GFRA1: variants seen among roughly 807,000 people sequenced by gnomAD.
The protein encoded by GFRA1 is GDNF family receptor alpha 1.
In GFRA1, 16 loss-of-function variants were observed where a neutral mutation model predicts 51.6. The observed-to-expected ratio is 0.31, with a 90% CI of 0.21 to 0.47. The LOEUF (loss-of-function observed/expected upper bound fraction) is 0.47, where lower values mean the gene tolerates loss of function less well. GFRA1 is among the 20% of genes least tolerant of loss of function. The pLI, the probability that GFRA1 is intolerant of heterozygous loss-of-function variation, is 1.00. For synonymous variants in GFRA1, 270 were observed against 241.3 expected, an observed-to-expected ratio of 1.12 and a Z score of -1.10; for missense variants, 530 against 594.3, an observed-to-expected ratio of 0.89 and a Z score of 1.13.
intron 4 of GFRA1, among the ~76,000 whole-genome samples, chr10:116,237,683 C>A (rs1966999984): frequency 6.6e-6 from 1 of 152,052 alleles, no homozygotes; most frequent in South Asian, 2.1e-4. Context: ...CCCCATGGTG[C>A]CTGTCAAAGC....
intron 6 of GFRA1, among the ~76,000 whole-genome samples, chr10:116,099,262 A>G (rs11197532): frequency 0.061 from 9,338 of 152,232 alleles, 730 homozygotes; most frequent in East Asian, 0.2. Context: ...GCCATGGTGG[A>G]GGGATTTACA....
intron 9 of GFRA1, among the ~76,000 whole-genome samples, chr10:116,066,114 C>T (rs67259137): frequency 0.22 from 32,827 of 152,134 alleles, 4,217 homozygotes; most frequent in African/African-American, 0.36. Context: ...GTGATACAGA[C>T]AGAGACCTTC....
intron 4 of GFRA1, among the ~76,000 whole-genome samples, chr10:116,239,844 A>C (rs1052131772): frequency 3.3e-5 from 5 of 152,174 alleles, no homozygotes; most frequent in African/African-American, 7.2e-5. Context: ...GATTTACCAA[A>C]ATTTTTGAGA....
At chr10:116,119,137 C>T (rs1390726579) in intron 6 of GFRA1, among the ~76,000 whole-genome samples, 4 of 152,212 alleles carry the variant, frequency 2.6e-5, no homozygotes, top group South Asian at 2.1e-4. Context: ...CAGGAGGTGG[C>T]GCAGGCAGAA....
At chr10:116,244,849 G>C (rs1434688016) in intron 4 of GFRA1, among the ~76,000 whole-genome samples, 1 of 151,976 alleles carries the variant, frequency 6.6e-6, no homozygotes, top group Non-Finnish European at 1.5e-5. Flanking sequence ...TATTCACATA[G>C]GAAAAATAAA....
At chr10:116,188,605 T>G (rs1261517252) in intron 5 of GFRA1, among the ~76,000 whole-genome samples, 1 of 152,064 alleles carries the variant, frequency 6.6e-6, no homozygotes, top group African/African-American at 2.4e-5. Flanking sequence ...ACGAGCGTAT[T>G]AAAATGGTCA....
At chr10:116,107,135 T>C (rs1173968642) in intron 6 of GFRA1, among the ~76,000 whole-genome samples, 7 of 152,328 alleles carry the variant, frequency 4.6e-5, no homozygotes, top group Admixed American at 2.0e-4. Flanking sequence ...AAGAATGTCC[T>C]AACACACCTA....
chr10:116,141,828 C>T (rs1224544656), intron 5 of GFRA1, among the ~76,000 whole-genome samples: 1 of 152,156 alleles, frequency 6.6e-6, no homozygotes, highest in Non-Finnish European at 1.5e-5. Flanking sequence ...AGGGGATCCA[C>T]CCATCTCAGC....
intron 4 of GFRA1, among the ~76,000 whole-genome samples, chr10:116,245,866 C>G (rs555722674): frequency 5.3e-5 from 8 of 152,250 alleles, no homozygotes; most frequent in African/African-American, 1.9e-4. Context: ...ATATCACATT[C>G]TGGAAAAAGA....
chr10:116,187,963 C>G (rs1225607322), intron 5 of GFRA1, among the ~76,000 whole-genome samples: 1 of 152,162 alleles, frequency 6.6e-6, no homozygotes, highest in Non-Finnish European at 1.5e-5. Flanking sequence ...GTGGTAAGCA[C>G]TGAGTGTAAC....
At chr10:116,091,865 T>C (rs1400476629) in intron 8 of GFRA1, among the ~76,000 whole-genome samples, 3 of 152,098 alleles carry the variant, frequency 2.0e-5, no homozygotes, top group African/African-American at 7.2e-5. Context: ...GCAGACAAAA[T>C]GCATTTATTT....
chr10:116,085,394 C>T (rs1956053641), intron 9 of GFRA1, among the ~76,000 whole-genome samples: 1 of 152,144 alleles, frequency 6.6e-6, no homozygotes, highest in African/African-American at 2.4e-5. Flanking sequence ...TTTAGAGCTG[C>T]CAAAGATAGT....
intron 4 of GFRA1, among the ~76,000 whole-genome samples, chr10:116,240,379 G>T (rs1487650735): frequency 1.3e-5 from 2 of 152,130 alleles, no homozygotes; most frequent in Non-Finnish European, 2.9e-5. Context: ...ATCTCCCTAT[G>T]CAGTGAAAAT....
Position 116,248,546 on chromosome 10 carries a change from T to A in GFRA1, c.418+20957A>T, listed in dbSNP as rs11197606. Among the ~76,000 whole-genome samples the A allele has an allele frequency of 7.9e-5, 12 of 152,336 alleles. No individual in the cohort carries two copies. The East Asian group carries it at 2.1e-3, about 27-fold the overall frequency. The stretch of plus-strand genomic sequence containing the variant: ...GTTCCAAAGTGCTAGGGCTCATTGT[T>A]TCTAATTATCTTGAATTCATTCTCT... On this transcript the variant is annotated intron_variant, in intron 4 of 10. Transcript: ENST00000355422.
chr10:116,233,200 C>T (rs903641183), intron 4 of GFRA1, among the ~76,000 whole-genome samples: 12 of 151,954 alleles, frequency 7.9e-5, no homozygotes, highest in Non-Finnish European at 1.8e-4. Flanking sequence ...TGGTGGCGCA[C>T]ACCTGTAATC....
intron 10 of GFRA1, 63 bp from the exon 11 acceptor site, chr10:116,064,607 T>G: frequency 6.8e-7 from 1 of 1,460,184 alleles, no homozygotes; most frequent in Non-Finnish European, 9.6e-7. Flanking sequence ...CAGTATACTT[T>G]ACACTCTCTC....
chr10:116,104,017 A>T (rs1187766106), intron 6 of GFRA1, among the ~76,000 whole-genome samples: 1 of 152,128 alleles, frequency 6.6e-6, no homozygotes, highest in Non-Finnish European at 1.5e-5. Flanking sequence ...TTCTCTCCCC[A>T]CCTAGGACTG....
chr10:116,144,545 T>C lies in GFRA1; in HGVS notation c.434-18988A>G, dbSNP rs545415335. 2.6e-5 allele frequency among the ~76,000 whole-genome samples: 4 copies of C among 152,160 alleles called. No individual in the cohort carries two copies. The East Asian group carries it at 7.7e-4, about 29-fold the overall frequency. On this transcript the variant is annotated intron_variant, in intron 5 of 10. Coordinates refer to ENST00000355422, the MANE Select transcript of GFRA1 (RefSeq NM_005264.8). ...CACCCAAGGAATGATATAGATATCA[T>C]AATATAATATTCATAATCTATATGT...
chr10:116,198,366 A>G (rs1964062751), intron 5 of GFRA1, among the ~76,000 whole-genome samples: 1 of 152,192 alleles, frequency 6.6e-6, no homozygotes. Context: ...AGATTCACTC[A>G]TCACGAACCT....
Sources: allele counts gnomAD v4.1 joint callset (sites outside exome capture counted in the v4.1 genomes callset), GRCh38; gene constraint gnomAD v4.1.1; transcripts MANE v1.5; gene names NCBI Gene and HGNC (gene_info 2026-07-23, HGNC 2026-07-21).